The following LHFPL3 variants were observed in gnomAD, a reference collection of about 807,000 sequenced individuals.
The protein encoded by LHFPL3 is LHFPL tetraspan subfamily member 3, also known as LHFPL tetraspan subfamily member 3 protein.
A neutral mutation model predicts 19.3 loss-of-function variants in LHFPL3; 5 were observed. That is an observed-to-expected ratio of 0.26 (90% confidence interval 0.14 to 0.54). The LOEUF is 0.54. Ranked by LOEUF, LHFPL3 falls within the 20% of genes least tolerant of loss-of-function variation. The probability of loss-of-function intolerance (pLI) is 0.94; values close to 1 mark genes in which losing one functional copy is unlikely to be tolerated. For synonymous variants in LHFPL3, 133 were observed against 126.2 expected (o/e 1.05, Z -0.36); for missense variants, 249 against 307.4 (o/e 0.81, Z 1.42).
chr7:104,422,515 C>T (rs572259512), intron 1 of LHFPL3, among the ~76,000 whole-genome samples: 24 of 152,292 alleles, frequency 1.6e-4, no homozygotes, highest in African/African-American at 5.3e-4. Context: ...TTAAGCCAAG[C>T]TGTGTGGATT....
At chr7:104,785,215 C>T (rs1789889170) in intron 2 of LHFPL3, 1 of 152,244 alleles carries the variant, frequency 6.6e-6, no homozygotes, top group Non-Finnish European at 1.5e-5. Context: ...TCTTCTCTCA[C>T]CTACCCTTTG....
intron 1 of LHFPL3, among the ~76,000 whole-genome samples, chr7:104,603,687 A>G (rs1385241216): frequency 1.3e-5 from 2 of 152,254 alleles, no homozygotes; most frequent in Admixed American, 6.5e-5. Context: ...CATAGGATAG[A>G]CATTCCCATA....
chr7:104,533,706 G>T (rs193281547), intron 1 of LHFPL3, among the ~76,000 whole-genome samples: 2 of 152,254 alleles, frequency 1.3e-5, no homozygotes, highest in Admixed American at 1.3e-4. Context: ...TCAGCCTTCT[G>T]GTTACTGCTC....
At chr7:104,898,006 C>CTTTTTTTTTTTTTTTTT (rs71155536) in intron 2 of LHFPL3, among the ~76,000 whole-genome samples, 4 of 96,810 alleles carry the variant, frequency 4.1e-5, no homozygotes, top group Non-Finnish European at 5.8e-5. Context: ...AATGTCACCC[C>CTTTTTTTTTTTTTTTTT]TTTTTTTTTT....
intron 2 of LHFPL3, among the ~76,000 whole-genome samples, chr7:104,876,653 T>C (rs1584592418): frequency 6.6e-6 from 1 of 151,542 alleles, no homozygotes; most frequent in Admixed American, 6.6e-5. Context: ...TGTGGAGAAA[T>C]AGGAACACTT....
chr7:104,397,041 A>T (rs951017515), intron 1 of LHFPL3, among the ~76,000 whole-genome samples: 3 of 152,212 alleles, frequency 2.0e-5, no homozygotes, highest in Non-Finnish European at 4.4e-5. Context: ...TGGATTAAAA[A>T]ACATCAAATG....
chr7:104,824,294 T>G (rs1183089829), intron 2 of LHFPL3, among the ~76,000 whole-genome samples: 1 of 17,894 alleles, frequency 5.6e-5, no homozygotes, highest in Non-Finnish European at 9.9e-5. Context: ...ATATAATATA[T>G]TATATATTAT....
chr7:104,630,301 A>G (rs1791616932), intron 1 of LHFPL3, among the ~76,000 whole-genome samples: 1 of 152,188 alleles, frequency 6.6e-6, no homozygotes, highest in African/African-American at 2.4e-5. Context: ...AAAGAACTTG[A>G]ATGGTGAGCT....
At chr7:104,768,413 T>C (rs1298777935) in intron 2 of LHFPL3, among the ~76,000 whole-genome samples, 6 of 152,160 alleles carry the variant, frequency 3.9e-5, no homozygotes. Context: ...GGCATGGCCA[T>C]TTTTATTAAT....
chr7:104,391,545 T>A lies in LHFPL3; in HGVS notation c.445+62321T>A, dbSNP rs571992736. Among the ~76,000 whole-genome samples the A allele has an allele frequency of 2.0e-5, 3 of 152,304 alleles. No individual in the cohort carries two copies. In the South Asian group the frequency reaches 6.2e-4, roughly 32 times the overall value. On this transcript the variant is annotated intron_variant, in intron 1 of 2. Transcript: ENST00000424859. The stretch of plus-strand genomic sequence containing the variant: ...CTCTGTTCTGTTCCATTGGTCTATA[T>A]CTCTGTTTTGGTACCAGTACCATGC...
At chr7:104,764,392 A>C (rs1481043793) in intron 2 of LHFPL3, among the ~76,000 whole-genome samples, 2 of 152,150 alleles carry the variant, frequency 1.3e-5, no homozygotes, top group Non-Finnish European at 2.9e-5. Context: ...GCTGGTCTCA[A>C]ACTCTTGATC....
In LHFPL3 at chr7:104,834,651, G is replaced by A. The variant is rs982143143; in HGVS notation, c.683-71536G>A. ...GGAGGTTGATGGAAGGAAGACATAC[G>A]CCCAAAGCCAGCTCATCAACTTCCA... On this transcript the variant is annotated intron_variant, in intron 2 of 2. Coordinates refer to ENST00000424859, the MANE Select transcript of LHFPL3 (RefSeq NM_199000.3). 3.9e-5 allele frequency among the ~76,000 whole-genome samples: 6 copies of A among 151,982 alleles called. 1 individual carries two copies. The highest frequency in any genetic ancestry group is 9.7e-5 in the African/African-American group (4 of 41,276).
intron 2 of LHFPL3, among the ~76,000 whole-genome samples, chr7:104,866,145 T>G (rs553774690): frequency 7.2e-4 from 109 of 152,244 alleles, no homozygotes; most frequent in African/African-American, 2.6e-3. Context: ...AGACCATCAA[T>G]GCTAGGAAGA....
chr7:104,892,801 A>C (rs939220281), intron 2 of LHFPL3, among the ~76,000 whole-genome samples: 2 of 151,854 alleles, frequency 1.3e-5, no homozygotes, highest in Non-Finnish European at 2.9e-5. Context: ...TTCTATGTAC[A>C]TATAAACATA....
chr7:104,591,944 G>A (rs1184604863), intron 1 of LHFPL3, among the ~76,000 whole-genome samples: 5 of 151,962 alleles, frequency 3.3e-5, no homozygotes, highest in Non-Finnish European at 5.9e-5. Flanking sequence ...TGTCATTCTC[G>A]TGCCACGGTT....
At chr7:104,573,016 AT>A (rs113983341) in intron 1 of LHFPL3, among the ~76,000 whole-genome samples, 5,172 of 152,292 alleles carry the variant, frequency 0.034, 268 homozygotes, top group African/African-American at 0.12. Flanking sequence ...TACATTAACA[AT>A]CTCTTTTTAT....
intron 2 of LHFPL3, among the ~76,000 whole-genome samples, chr7:104,872,022 T>C (rs1307956695): frequency 6.6e-6 from 1 of 152,078 alleles, no homozygotes; most frequent in Non-Finnish European, 1.5e-5. Flanking sequence ...TTTTTTTCAC[T>C]TTTTAAACTT....
At chr7:104,645,116 G>A (rs1012381488) in intron 1 of LHFPL3, among the ~76,000 whole-genome samples, 6 of 152,142 alleles carry the variant, frequency 3.9e-5, no homozygotes, top group Non-Finnish European at 7.4e-5. Flanking sequence ...CTTTGCCTGT[G>A]TAGACACAGC....
chr7:104,486,330 C>T lies in LHFPL3; in HGVS notation c.445+157106C>T, dbSNP rs190951007. On this transcript the variant is annotated intron_variant, in intron 1 of 2. Transcript: ENST00000424859. ...GTACTTTCTGCTTTCTTCTTGATTA[C>T]GACTGTGCTATAGTCTATTTTGGTT... 2.1e-3 allele frequency among the ~76,000 whole-genome samples: 323 copies of T among 152,232 alleles called. 1 individual carries two copies. The highest frequency in any genetic ancestry group is 7.4e-3 in the African/African-American group (307 of 41,542).
Sources: gnomAD v4.1 joint callset for allele counts (sites outside exome capture counted in the v4.1 genomes callset) on GRCh38, gnomAD v4.1.1 for gene constraint, MANE v1.5 for transcripts, NCBI Gene and HGNC (gene_info 2026-07-23, HGNC 2026-07-21) for gene names.